The following PRKG1 variants were observed in gnomAD, a reference collection of about 807,000 sequenced individuals.
The protein encoded by PRKG1 is cGMP-dependent protein kinase 1.
In PRKG1, 35 loss-of-function variants were observed where a neutral mutation model predicts 88.1. The observed-to-expected ratio is 0.40, with a 90% CI of 0.30 to 0.53. PRKG1 has a LOEUF of 0.53. Ranked by LOEUF, PRKG1 falls within the 20% of genes least tolerant of loss-of-function variation. PRKG1 has a pLI of 0.59. For synonymous variants in PRKG1, 303 were observed against 292.5 expected (o/e 1.04, Z -0.37); for missense variants, 540 against 839.8 (o/e 0.64, Z 4.41).
At chr10:51,639,429 T>A (rs1589152348) in intron 3 of PRKG1, among the ~76,000 whole-genome samples, 1 of 91,184 alleles carries the variant, frequency 1.1e-5, no homozygotes, top group African/African-American at 5.0e-5. Flanking sequence ...AGAGCCAGAC[T>A]CCATCTCAAA....
In PRKG1 at chr10:52,106,472, TAA is replaced by T. The variant is rs549038225; in HGVS notation, c.936-27366_936-27365del. Among the ~76,000 whole-genome samples, 186 of 152,212 alleles carry T rather than the reference TAA, an allele frequency of 1.2e-3. 1 individual carries two copies. Among genetic ancestry groups the T allele is most frequent in the African/African-American group, 4.3e-3 (177 of 41,522 alleles). On this transcript the variant is annotated intron_variant, in intron 7 of 17. Transcript: ENST00000373980. ...GGTGAGAACAGTAACTTATGTATAT[TAA>T]ATCCTTCGGGAACAGCATCGCACAG...
chr10:51,334,258 C>A (rs1230541593), intron 2 of PRKG1, among the ~76,000 whole-genome samples: 1 of 151,366 alleles, frequency 6.6e-6, no homozygotes, highest in South Asian at 2.1e-4. Context: ...TTCTACTACT[C>A]TTCAGATCAG....
chr10:51,635,651 C>CA (rs2132288301), intron 3 of PRKG1, among the ~76,000 whole-genome samples: 1 of 152,154 alleles, frequency 6.6e-6, no homozygotes, highest in East Asian at 1.9e-4. Context: ...TTGGCATGAA[C>CA]AATGTATGAA....
At chr10:51,018,642 A>G (rs1044732424) in intron 1 of PRKG1, among the ~76,000 whole-genome samples, 2 of 152,212 alleles carry the variant, frequency 1.3e-5, no homozygotes, top group African/African-American at 2.4e-5. Flanking sequence ...TTAATCACTC[A>G]GGACAGAATC....
intron 3 of PRKG1, among the ~76,000 whole-genome samples, chr10:51,486,096 T>C (rs1840529684): frequency 6.6e-6 from 1 of 152,126 alleles, no homozygotes; most frequent in Admixed American, 6.6e-5. Flanking sequence ...ATAAAATACA[T>C]TATTATTATT....
At chr10:51,315,364 A>G (rs1166510165) in intron 2 of PRKG1, among the ~76,000 whole-genome samples, 1 of 152,230 alleles carries the variant, frequency 6.6e-6, no homozygotes, top group Non-Finnish European at 1.5e-5. Context: ...AGCAAATATA[A>G]CAGGTGACAT....
chr10:51,507,302 A>AT (rs1471697323), intron 3 of PRKG1, among the ~76,000 whole-genome samples: 4 of 151,894 alleles, frequency 2.6e-5, no homozygotes, highest in Non-Finnish European at 4.4e-5. Flanking sequence ...AAAGTATAAA[A>AT]AAAAATAAAA....
intron 9 of PRKG1, among the ~76,000 whole-genome samples, chr10:52,246,970 A>G (rs2174260): frequency 0.51 from 76,844 of 150,600 alleles, 21,547 homozygotes; most frequent in East Asian, 0.79. Context: ...TCTTATAATC[A>G]GACATATTTG....
At chr10:51,623,296 G>T (rs954298047) in intron 3 of PRKG1, among the ~76,000 whole-genome samples, 1 of 152,186 alleles carries the variant, frequency 6.6e-6, no homozygotes, top group African/African-American at 2.4e-5. Flanking sequence ...AACCTCCTGG[G>T]CTTAGGCAAT....
In PRKG1 at chr10:52,054,540, C is replaced by G. The variant is rs1285746460; in HGVS notation, c.819C>G (p.Phe273Leu). The stretch of plus-strand genomic sequence containing the variant: ...GGCAAGGTGCAAGAGGGGACACCTT[C>G]TTTATCATCAGCAAAGGAACGGTAA... ...IIRQGARGDT[F>L]FIISKGTVNV... Residue 273 changes from phenylalanine to leucine, a missense_variant, in exon 6 of 18, where the codon TTC becomes TTG. Phe to Leu is a conservative substitution (Grantham distance 22, BLOSUM62 0). This residue lies in a region of PRKG1 where 400 missense variants were observed against 562.7 expected (regional missense o/e 0.71). Coordinates refer to ENST00000373980, the MANE Select transcript of PRKG1 (RefSeq NM_006258.4). The G allele has an allele frequency of 6.2e-7, 1 of 1,613,748 alleles. No homozygotes were observed.
intron 3 of PRKG1, among the ~76,000 whole-genome samples, chr10:51,545,179 A>G (rs750300868): frequency 6.6e-6 from 1 of 152,128 alleles, no homozygotes; most frequent in Non-Finnish European, 1.5e-5. Context: ...AAAAAATTGT[A>G]GACAATCTAC....
At chr10:51,627,952 TTCTTTCTTTCTTTCTTTC>T (rs1179651585) in intron 3 of PRKG1, among the ~76,000 whole-genome samples, 1 of 17,164 alleles carries the variant, frequency 5.8e-5, no homozygotes, top group African/African-American at 1.2e-4. Context: ...CTTTCTTTCT[TTCTTTCTTTCTTTCTTTC>T]TCTTTCTTTC....
intron 1 of PRKG1, among the ~76,000 whole-genome samples, chr10:51,051,103 C>T (rs542626381): frequency 2.0e-5 from 3 of 152,088 alleles, no homozygotes; most frequent in South Asian, 4.1e-4. Flanking sequence ...TCTCCTGTTA[C>T]GTAGGTTGCC....
intron 4 of PRKG1, among the ~76,000 whole-genome samples, chr10:51,897,080 T>A (rs148475087): frequency 1.7e-4 from 26 of 152,226 alleles, no homozygotes; most frequent in African/African-American, 5.1e-4. Context: ...TATAAGACAA[T>A]TGCATAATAG....
At chr10:51,136,708 A>G (rs535746744) in intron 1 of PRKG1, among the ~76,000 whole-genome samples, 21 of 151,550 alleles carry the variant, frequency 1.4e-4, no homozygotes, top group African/African-American at 4.8e-4. Flanking sequence ...CTTTTCTTTG[A>G]TTTCTTCTGA....
chr10:51,033,262 C>T lies in PRKG1; in HGVS notation c.266+41618C>T, dbSNP rs74744958. 7.3e-3 allele frequency among the ~76,000 whole-genome samples: 1,105 copies of T among 152,256 alleles called. 19 individuals carry two copies. The highest frequency in any genetic ancestry group is 0.025 in the African/African-American group (1,020 of 41,572). On this transcript the variant is annotated intron_variant, in intron 1 of 17. Coordinates refer to the PRKG1 transcript ENST00000401604. ...CCATCATGTCCTCACAACAGGGCACCTTATTTCCATTCCTGATATAGGCAC... is the reference window on the plus strand; with the variant it reads ...CCATCATGTCCTCACAACAGGGCACTTTATTTCCATTCCTGATATAGGCAC...
intron 3 of PRKG1, chr10:51,699,307 C>A: frequency 3.1e-6 from 5 of 1,614,164 alleles, no homozygotes; most frequent in Non-Finnish European, 4.2e-6. Flanking sequence ...TCCCACTGAA[C>A]TCCCGCCCAT....
chr10:51,818,886 A>T (rs1264395679), intron 4 of PRKG1, among the ~76,000 whole-genome samples: 1 of 129,462 alleles, frequency 7.7e-6, no homozygotes, highest in Non-Finnish European at 1.5e-5. Context: ...GGGCGCCTGT[A>T]GTCCCAGCTA....
chr10:51,314,483 C>T (rs1841271457), intron 2 of PRKG1, among the ~76,000 whole-genome samples: 1 of 152,192 alleles, frequency 6.6e-6, no homozygotes, highest in South Asian at 2.1e-4. Flanking sequence ...ACATGAGCCA[C>T]TTGTCATTCA....
Sources: allele counts gnomAD v4.1 joint callset (sites outside exome capture counted in the v4.1 genomes callset), GRCh38; gene constraint gnomAD v4.1.1; regional missense constraint gnomAD v4.1.1; transcripts MANE v1.5; gene names NCBI Gene and HGNC (gene_info 2026-07-23, HGNC 2026-07-21).